The following MAGI1 variants were observed in gnomAD, a reference collection of about 807,000 sequenced individuals.
MAGI1 encodes the protein membrane-associated guanylate kinase, WW and PDZ domain-containing protein 1.
Under a neutral mutation model 139.9 loss-of-function variants are expected in MAGI1, and 58 were observed. The ratio of observed to expected loss-of-function variants is 0.41; its 90% CI spans 0.34 to 0.52. The LOEUF is 0.52. Among genes scored for constraint, MAGI1 ranks in the 20% least tolerant of loss-of-function variants. The pLI is 0.12. For synonymous variants in MAGI1, 812 were observed against 737.9 expected (o/e 1.10, Z -1.63); for missense variants, 1,874 against 1,901.6 (o/e 0.99, Z 0.27).
intron 17 of MAGI1, among the ~76,000 whole-genome samples, chr3:65,378,273 A>T (rs1477561174): frequency 2.0e-5 from 3 of 152,186 alleles, no homozygotes; most frequent in Non-Finnish European, 4.4e-5. Flanking sequence ...AGAAAGTGAC[A>T]ACTGTGTTTC....
At chr3:65,979,421 T>A (rs949642246) in intron 1 of MAGI1, among the ~76,000 whole-genome samples, 1 of 152,188 alleles carries the variant, frequency 6.6e-6, no homozygotes, top group African/African-American at 2.4e-5. Flanking sequence ...TCAGCTATTC[T>A]TACTCTTCAG....
At chr3:65,635,690 C>T (rs2084574620) in intron 1 of MAGI1, among the ~76,000 whole-genome samples, 1 of 152,208 alleles carries the variant, frequency 6.6e-6, no homozygotes, top group Non-Finnish European at 1.5e-5. Flanking sequence ...CAACTGAGAT[C>T]CCATTGGTAT....
chr3:65,658,338 C>T (rs763687178), intron 1 of MAGI1, among the ~76,000 whole-genome samples: 25 of 152,122 alleles, frequency 1.6e-4, no homozygotes, highest in Admixed American at 6.6e-5. Context: ...AACAAAACTT[C>T]CTGCATTTGC....
chr3:65,694,126 T>C (rs144572199), intron 1 of MAGI1, among the ~76,000 whole-genome samples: 126 of 152,260 alleles, frequency 8.3e-4, no homozygotes, highest in African/African-American at 2.8e-3. Context: ...TGATGTAAAA[T>C]AGAGCCAGAT....
Position 65,729,134 on chromosome 3 carries a change from G to C in MAGI1, c.314-107046C>G, listed in dbSNP as rs879274008. 1.2e-4 allele frequency among the ~76,000 whole-genome samples: 11 copies of C among 90,198 alleles called. 2 individuals carry two copies. The East Asian group carries it at 4.1e-3, about 34-fold the overall frequency. 59.2% of individuals were successfully genotyped at this position (90,198 alleles called of 152,430 possible). On this transcript the variant is annotated intron_variant, in intron 1 of 22. Coordinates refer to ENST00000402939, the MANE Select transcript of MAGI1 (RefSeq NM_001033057.2). ...AAAAAATGGAACGGGGGGGGGGGGG[G>C]GGATGATATTCACTCTGAAGAAAAC...
At chr3:65,448,975 T>C (rs1948847935) in intron 6 of MAGI1, among the ~76,000 whole-genome samples, 1 of 152,086 alleles carries the variant, frequency 6.6e-6, no homozygotes, top group Non-Finnish European at 1.5e-5. Context: ...CTGTTTTCAG[T>C]ACCACAATAC....
chr3:65,730,900 C>CG (rs1487934046), intron 1 of MAGI1, among the ~76,000 whole-genome samples: 4 of 144,946 alleles, frequency 2.8e-5, no homozygotes, highest in East Asian at 1.9e-4. Context: ...CCCACCCCCC[C>CG]GGGGTTTTTG....
intron 1 of MAGI1, among the ~76,000 whole-genome samples, chr3:65,964,080 G>T (rs1379619028): frequency 6.6e-6 from 1 of 152,144 alleles, no homozygotes; most frequent in East Asian, 1.9e-4. Context: ...CTGCAAGGAA[G>T]CTTTGAGCCA....
intron 1 of MAGI1, among the ~76,000 whole-genome samples, chr3:65,656,134 A>G (rs2085862196): frequency 6.6e-6 from 1 of 152,218 alleles, no homozygotes; most frequent in Admixed American, 6.5e-5. Context: ...TGGGGACAGA[A>G]AAATTAAGTT....
At chr3:65,688,037 T>C in intron 1 of MAGI1, 2 of 805,854 alleles carry the variant, frequency 2.5e-6, no homozygotes, top group Non-Finnish European at 4.3e-6. Context: ...CCCTGGATCC[T>C]AGGCCTACTA....
chr3:65,546,327 G>A (rs971002977), intron 2 of MAGI1, among the ~76,000 whole-genome samples: 25 of 151,978 alleles, frequency 1.6e-4, no homozygotes, highest in Admixed American at 3.3e-4. Flanking sequence ...TAAACAATAC[G>A]TCATTATTTC....
chr3:65,376,549 G>T (rs1942546933), intron 17 of MAGI1, among the ~76,000 whole-genome samples: 1 of 152,134 alleles, frequency 6.6e-6, no homozygotes, highest in Non-Finnish European at 1.5e-5. Flanking sequence ...TTAGAAAAAG[G>T]GTGTAATTAT....
chr3:65,887,146 A>G (rs2060567084), intron 1 of MAGI1, among the ~76,000 whole-genome samples: 1 of 152,154 alleles, frequency 6.6e-6, no homozygotes, highest in Admixed American at 6.5e-5. Context: ...AAAGATTCCA[A>G]AGATCATATG....
intron 1 of MAGI1, among the ~76,000 whole-genome samples, chr3:65,647,056 C>G (rs2085307928): frequency 2.0e-5 from 3 of 151,956 alleles, no homozygotes; most frequent in African/African-American, 4.8e-5. Flanking sequence ...AAAGTAAAAA[C>G]AGAAAACAAT....
chr3:65,553,771 T>G (rs766811645), intron 2 of MAGI1, among the ~76,000 whole-genome samples: 2 of 152,240 alleles, frequency 1.3e-5, no homozygotes, highest in Non-Finnish European at 2.9e-5. Flanking sequence ...GAACTATGTT[T>G]AGACCTTGGA....
intron 1 of MAGI1, among the ~76,000 whole-genome samples, chr3:65,760,508 T>C (rs1323724985): frequency 6.6e-6 from 1 of 151,584 alleles, no homozygotes; most frequent in East Asian, 1.9e-4. Context: ...AACACAGGAA[T>C]ATAGAAGATA....
intron 1 of MAGI1, among the ~76,000 whole-genome samples, chr3:65,973,157 A>G (rs1226877947): frequency 6.6e-6 from 1 of 152,078 alleles, no homozygotes; most frequent in Non-Finnish European, 1.5e-5. Flanking sequence ...TCAAAAAATA[A>G]TAAAATAAAA....
chr3:65,737,193 C>T (rs977292776), intron 1 of MAGI1, among the ~76,000 whole-genome samples: 4 of 152,056 alleles, frequency 2.6e-5, no homozygotes, highest in Non-Finnish European at 5.9e-5. Context: ...TTAGTAGAGA[C>T]GGGGTTTCAC....
At chr3:65,924,078 T>G (rs1377579644) in intron 1 of MAGI1, among the ~76,000 whole-genome samples, 1 of 152,234 alleles carries the variant, frequency 6.6e-6, no homozygotes, top group Non-Finnish European at 1.5e-5. Flanking sequence ...AGGAGATGTA[T>G]GAATAATTGA....
Sources: allele counts gnomAD v4.1 joint callset (sites outside exome capture counted in the v4.1 genomes callset), GRCh38; gene constraint gnomAD v4.1.1; transcripts MANE v1.5; gene names NCBI Gene and HGNC (gene_info 2026-07-23, HGNC 2026-07-21).